ERC1: variants seen among roughly 807,000 people sequenced by gnomAD.
The protein encoded by ERC1 is ELKS/RAB6-interacting/CAST family member 1, also known as RAB6 interacting protein 2.
A neutral mutation model predicts 132.0 loss-of-function variants in ERC1; 56 were observed. That is an observed-to-expected ratio of 0.42 (90% CI 0.34 to 0.53). The LOEUF (loss-of-function observed/expected upper bound fraction) is 0.53. ERC1 is among the 20% of genes least tolerant of loss of function. ERC1 has a pLI of 0.03. For missense variants in ERC1, 1,202 were observed against 1,349.9 expected (o/e 0.89, Z 1.72); for synonymous variants, 478 against 476.1 (o/e 1.00, Z -0.05).
chr12:1,038,431 G>A (rs906764425), intron 2 of ERC1, among the ~76,000 whole-genome samples: 1 of 151,430 alleles, frequency 6.6e-6, no homozygotes, highest in Non-Finnish European at 1.5e-5. Flanking sequence ...GTGGGATCTC[G>A]GCTCACTGCA....
chr12:1,207,573 A>T (rs1957458340), intron 12 of ERC1, among the ~76,000 whole-genome samples: 2 of 152,214 alleles, frequency 1.3e-5, no homozygotes, highest in African/African-American at 4.8e-5. Context: ...TTCTCTGTTA[A>T]ATAACATCTG....
intron 2 of ERC1, among the ~76,000 whole-genome samples, chr12:1,057,350 C>G (rs1592998751): frequency 6.6e-6 from 1 of 152,160 alleles, no homozygotes; most frequent in East Asian, 1.9e-4. Context: ...TCTCAAACTC[C>G]TGGCCTCAAG....
At chr12:1,367,556 A>G (rs1017194494) in intron 15 of ERC1, among the ~76,000 whole-genome samples, 3 of 152,196 alleles carry the variant, frequency 2.0e-5, no homozygotes, top group Non-Finnish European at 2.9e-5. Flanking sequence ...CTTATTTACT[A>G]GCAATAGAAG....
chr12:1,302,889 G>A (rs1239508741), intron 15 of ERC1, among the ~76,000 whole-genome samples: 1 of 152,164 alleles, frequency 6.6e-6, no homozygotes, highest in Non-Finnish European at 1.5e-5. Context: ...CTTGAGCCCA[G>A]AAAGTCAAGG....
chr12:1,154,294 C>T (rs541902976), intron 8 of ERC1, among the ~76,000 whole-genome samples: 13 of 147,006 alleles, frequency 8.8e-5, no homozygotes, highest in Admixed American at 7.0e-5. Flanking sequence ...TATATACACA[C>T]ACACGTGCAT....
intron 2 of ERC1, among the ~76,000 whole-genome samples, chr12:1,066,678 A>G (rs1939253424): frequency 6.6e-6 from 1 of 152,066 alleles, no homozygotes; most frequent in African/African-American, 2.4e-5. Context: ...CTCTACTAAA[A>G]ATAGAAAAAT....
At chr12:1,067,992 C>T (rs960046433) in intron 2 of ERC1, among the ~76,000 whole-genome samples, 16 of 146,932 alleles carry the variant, frequency 1.1e-4, no homozygotes, top group Non-Finnish European at 2.2e-4. Context: ...AGTGCAGTGG[C>T]GCGATCTCAG....
chr12:1,007,502 C>T (rs1260054804), intron 1 of ERC1, among the ~76,000 whole-genome samples: 2 of 149,452 alleles, frequency 1.3e-5, no homozygotes, highest in East Asian at 1.9e-4. Flanking sequence ...CTTTCTCTCT[C>T]TCTCACTGGG....
chr12:1,418,752 G>T (rs781085346), intron 17 of ERC1, among the ~76,000 whole-genome samples: 49 of 134,584 alleles, frequency 3.6e-4, no homozygotes, highest in Non-Finnish European at 5.9e-4. Flanking sequence ...TCTCTCTGTC[G>T]CTCAGACTGG....
chr12:1,231,102 G>A (rs1279057741), intron 12 of ERC1, among the ~76,000 whole-genome samples: 1 of 151,276 alleles, frequency 6.6e-6, no homozygotes, highest in African/African-American at 2.4e-5. Context: ...TGTTTTGTAG[G>A]TCCTTTGTTC....
At chr12:1,322,883 T>G (rs1215126564) in intron 15 of ERC1, among the ~76,000 whole-genome samples, 1 of 152,208 alleles carries the variant, frequency 6.6e-6, no homozygotes, top group Non-Finnish European at 1.5e-5. Context: ...AAATTATCTC[T>G]GACTTCCTTT....
At chr12:1,039,293 C>T (rs1456634749) in intron 2 of ERC1, among the ~76,000 whole-genome samples, 2 of 149,812 alleles carry the variant, frequency 1.3e-5, no homozygotes, top group Middle Eastern at 3.5e-3. Context: ...GCCGAAATCG[C>T]ACCACTGCAC....
chr12:1,161,077 A>G (rs1951843686), intron 8 of ERC1, among the ~76,000 whole-genome samples: 2 of 152,206 alleles, frequency 1.3e-5, no homozygotes, highest in African/African-American at 4.8e-5. Context: ...TGGGTCTCCC[A>G]GTCTTCCCAG....
At chr12:1,341,196 C>T (rs2083853387) in intron 15 of ERC1, among the ~76,000 whole-genome samples, 1 of 115,226 alleles carries the variant, frequency 8.7e-6, no homozygotes, top group African/African-American at 2.7e-5. Flanking sequence ...TGGGTTCAAG[C>T]AGTTCTCCTG....
At chr12:1,438,971 A>ATATATATATAT (rs879572392) in intron 17 of ERC1, among the ~76,000 whole-genome samples, 1 of 144,518 alleles carries the variant, frequency 6.9e-6, no homozygotes, top group African/African-American at 2.8e-5. Context: ...ATATATATAT[A>ATATATATATAT]AAAAATGACA....
chr12:1,092,319 T>C (rs1219716330), intron 3 of ERC1, among the ~76,000 whole-genome samples: 1 of 152,216 alleles, frequency 6.6e-6, no homozygotes, highest in Non-Finnish European at 1.5e-5. Flanking sequence ...ATTCTAAAAG[T>C]CACAACTTTC....
At chr12:1,118,473 T>C (rs1026616194) in intron 7 of ERC1, among the ~76,000 whole-genome samples, 21 of 152,350 alleles carry the variant, frequency 1.4e-4, no homozygotes, top group African/African-American at 4.8e-4. Flanking sequence ...TTTTTAGTTT[T>C]TAGCCATTGC....
chr12:1,341,554 C>T (rs1040105559), intron 15 of ERC1, among the ~76,000 whole-genome samples: 1 of 150,542 alleles, frequency 6.6e-6, no homozygotes, highest in Non-Finnish European at 1.5e-5. Context: ...AGCAAATTAT[C>T]ACAAGGACAG....
rs1186907192 is a variant in ERC1 at position 1,492,314 on chromosome 12, C to T, written c.*2084C>T. On this transcript the variant is annotated 3_prime_UTR_variant, in exon 19 of 19. Transcript: ENST00000360905. ...TGCCCGTAAACCATGTAGAAAGCTC[C>T]CAGCACTGAAAGGCAGGAGTGTTAG... 4.3e-6 allele frequency: 1 copy of T among 233,246 alleles called. No individual in the cohort carries two copies. Among genetic ancestry groups the T allele is most frequent in the Non-Finnish European group, 8.5e-6 (1 of 118,034 alleles). 14.4% of individuals were successfully genotyped at this position (233,246 alleles called of 1,614,324 possible).
Sources: gnomAD v4.1 joint callset for allele counts (sites outside exome capture counted in the v4.1 genomes callset) on GRCh38, gnomAD v4.1.1 for gene constraint, MANE v1.5 for transcripts, NCBI Gene and HGNC (gene_info 2026-07-23, HGNC 2026-07-21) for gene names.